The following LRRK1 variants were observed in gnomAD, a reference collection of about 807,000 sequenced individuals.
LRRK1 encodes leucine rich repeat kinase 1, also known as leucine-rich repeat serine/threonine-protein kinase 1.
Under a neutral mutation model 209.1 loss-of-function variants are expected in LRRK1, and 113 were observed. The ratio of observed to expected loss-of-function variants is 0.54; its 90% confidence interval spans 0.46 to 0.63. LRRK1 has a LOEUF of 0.63. Ranked by LOEUF, LRRK1 falls within the 30% of genes least tolerant of loss-of-function variation. The pLI, the probability that LRRK1 is intolerant of heterozygous loss-of-function variation, is 0.00. For synonymous variants in LRRK1, 1,144 were observed against 1,099.7 expected, an observed-to-expected ratio of 1.04 and a Z score of -0.80; for missense variants, 2,284 against 2,632.2, an observed-to-expected ratio of 0.87 and a Z score of 2.89.
intron 2 of LRRK1, among the ~76,000 whole-genome samples, chr15:100,926,376 G>A (rs1441762147): frequency 1.3e-5 from 2 of 152,130 alleles, no homozygotes; most frequent in Non-Finnish European, 2.9e-5. Context: ...AGCCCTGAGG[G>A]ACGAGGGTGG....
At chr15:101,052,042 G>A in intron 24 of LRRK1, 82 bp downstream of exon 24, 1 of 1,522,706 alleles carries the variant, frequency 6.6e-7, no homozygotes, top group Non-Finnish European at 8.9e-7. Context: ...GTGATCTCCA[G>A]GAAGACCCCT....
rs1205960106 is a variant in LRRK1 at position 101,040,517 on chromosome 15, A to G, written c.2964-5464A>G. On this transcript the variant is annotated intron_variant, in intron 20 of 33. Coordinates refer to ENST00000388948, the MANE Select transcript of LRRK1 (RefSeq NM_024652.6). ...TTCTATTATTTTTCTCTTTTATTTC[A>G]TCTATTACTGCTCTTTATTATTGTC... Among the ~76,000 whole-genome samples the G allele has an allele frequency of 3.9e-5, 6 of 151,970 alleles. No homozygotes were observed. In the East Asian group the frequency reaches 9.7e-4, roughly 24 times the overall value.
intron 2 of LRRK1, among the ~76,000 whole-genome samples, chr15:100,962,582 G>A (rs1011465444): frequency 1.2e-4 from 18 of 151,086 alleles, no homozygotes; most frequent in African/African-American, 4.4e-4. Context: ...TCTGCTGAAG[G>A]GGACGGCTAC....
chr15:100,972,846 G>A (rs936874559), intron 2 of LRRK1, among the ~76,000 whole-genome samples: 1 of 152,078 alleles, frequency 6.6e-6, no homozygotes, highest in Non-Finnish European at 1.5e-5. Flanking sequence ...TGGAGAGAAA[G>A]CTTTTTACTG....
At position 100,998,295 on chromosome 15, in the gene LRRK1, CCTCAGCA is replaced by C. The variant is rs377393465; in HGVS notation, c.762+8913_762+8919del. On this transcript the variant is annotated intron_variant, in intron 6 of 33. Coordinates refer to ENST00000388948, the MANE Select transcript of LRRK1 (RefSeq NM_024652.6). Reference sequence around the variant, plus strand: ...TAGCCAGGAAAAAGCGAGCCTGCCTCCTCAGCACTCAGCACTCAGCACACTGCTCCTC... The same window carrying C: ...TAGCCAGGAAAAAGCGAGCCTGCCTCCTCAGCACTCAGCACACTGCTCCTC... Among the ~76,000 whole-genome samples the C allele has an allele frequency of 2.4e-3, 359 of 152,224 alleles. 2 individuals are homozygous for C. Among genetic ancestry groups the C allele is most frequent in the African/African-American group, 8.1e-3 (337 of 41,530 alleles).
chr15:101,065,818 C>T lies in LRRK1; in HGVS notation c.5381C>T (p.Thr1794Met), dbSNP rs772559934. The T allele has an allele frequency of 3.8e-5, 61 of 1,613,896 alleles. No individual in the cohort carries two copies. In the Admixed American group the frequency reaches 8.2e-4, roughly 22 times the overall value. Reference protein sequence around the residue: ...RDMFPVRPLDTEPPAASHTAN... With the variant: ...RDMFPVRPLDMEPPAASHTAN... ...ATGTTTCCCGTGCGGCCCTTGGACA[C>T]GGAACCCCCGGCAGCCAGCCACACG... The change falls in exon 32 of 34, where the codon ACG becomes ATG. Residue 1794 changes from threonine to methionine, a missense_variant. Thr to Met is a moderately conservative substitution (Grantham distance 81). This residue lies in a region of LRRK1 where 643 missense variants were observed against 695.9 expected (regional missense o/e 0.92). Transcript: ENST00000388948.
At chr15:100,974,223 A>G (rs2031158993) in intron 3 of LRRK1, 1 of 366,800 alleles carries the variant, frequency 2.7e-6, no homozygotes, top group Non-Finnish European at 4.8e-6. Flanking sequence ...ACTTAAATGT[A>G]AAGAACAAAA....
rs1474182122 is a variant in LRRK1 at position 100,962,812 on chromosome 15, T to TATATATACACATATACATATAC, written c.98-10985_98-10984insCACATATACATATACATATATA. ...CATTTTGCATATATATATATATATA[T>TATATATACACATATACATATAC]ATATATATATATTTTTTTTTTTTTT... On this transcript the variant is annotated intron_variant, in intron 2 of 33. Coordinates refer to ENST00000388948, the MANE Select transcript of LRRK1 (RefSeq NM_024652.6). Among the ~76,000 whole-genome samples the TATATATACACATATACATATAC allele has an allele frequency of 6.3e-5, 2 of 31,646 alleles. 1 individual carries two copies. The highest frequency in any genetic ancestry group is 0.031 in the Middle Eastern group (2 of 64). The allele number at this position is 31,646 out of a possible 152,430, so 20.8% of individuals were successfully genotyped here.
Position 101,027,618 on chromosome 15 carries a change from C to G in LRRK1, c.2527-20C>G, listed in dbSNP as rs755011610. 2.5e-6 allele frequency: 4 copies of G among 1,606,974 alleles called. No individual in the cohort carries two copies. The South Asian group carries it at 4.5e-5, about 18-fold the overall frequency. Reference sequence around the variant, plus strand: ...TGCCTTGGGACCTGAGAGACCCTGCCTCGCCCAACTGTCCCCCAGATCCCC... The same window carrying G: ...TGCCTTGGGACCTGAGAGACCCTGCGTCGCCCAACTGTCCCCCAGATCCCC... On this transcript the variant is annotated intron_variant, in intron 18 of 33. Transcript: ENST00000388948. This position sits in a 1 kb window ranked among gnomAD's most constrained non-coding sequence, Gnocchi z 5.1.
chr15:100,937,163 C>T (rs550207819), intron 2 of LRRK1, among the ~76,000 whole-genome samples: 6 of 152,204 alleles, frequency 3.9e-5, no homozygotes, highest in South Asian at 2.1e-4. Context: ...TCTAGATTTT[C>T]GAATATTTTA....
intron 20 of LRRK1, 70 bp downstream of exon 20, chr15:101,029,302 C>T: frequency 6.9e-7 from 1 of 1,443,664 alleles, no homozygotes; most frequent in African/African-American, 1.4e-5. Flanking sequence ...GGTCTGGAGC[C>T]ACTGGTGGCC....
intron 6 of LRRK1, among the ~76,000 whole-genome samples, chr15:101,003,031 C>T (rs1333840901): frequency 1.3e-5 from 2 of 152,226 alleles, no homozygotes; most frequent in Non-Finnish European, 2.9e-5. Flanking sequence ...TGCGCCCAGC[C>T]CTGGACAACT....
At chr15:101,021,218 C>G in intron 13 of LRRK1, 36 bp downstream of exon 13, 1 of 1,611,170 alleles carries the variant, frequency 6.2e-7, no homozygotes. Context: ...GCTGGCTCTG[C>G]TGGCCCAGAG....
intron 6 of LRRK1, among the ~76,000 whole-genome samples, chr15:100,998,422 C>T (rs1015828673): frequency 2.6e-5 from 4 of 152,198 alleles, no homozygotes; most frequent in Admixed American, 6.6e-5. Flanking sequence ...CCCCAACCTT[C>T]TATGTCTCAG....
chr15:101,015,024 T>C (rs1327537505), intron 11 of LRRK1, among the ~76,000 whole-genome samples: 2 of 152,178 alleles, frequency 1.3e-5, no homozygotes, highest in Non-Finnish European at 2.9e-5. Context: ...CCCCAAAGCC[T>C]TCCAATAGGT....
At chr15:100,957,447 A>C (rs924253609) in intron 2 of LRRK1, among the ~76,000 whole-genome samples, 5 of 152,160 alleles carry the variant, frequency 3.3e-5, no homozygotes, top group Admixed American at 2.6e-4. Context: ...AGTTCTGTTA[A>C]TATTTGCTTT....
rs111421161 is a variant in LRRK1, at chr15:100,961,250, C to T, written c.98-12554C>T. Among the ~76,000 whole-genome samples the T allele has an allele frequency of 7.4e-3, 1,123 of 152,278 alleles. 17 individuals carry two copies. Among genetic ancestry groups the T allele is most frequent in the African/African-American group, 0.025 (1,033 of 41,544 alleles). ...AGCCACCAGTCTTATTACAGGGTCC[C>T]CACCATAGTGACCTTATCCAATCTT... On this transcript the variant is annotated intron_variant, in intron 2 of 33. Transcript: ENST00000388948.
At chr15:100,937,331 C>T (rs1415112480) in intron 2 of LRRK1, among the ~76,000 whole-genome samples, 2 of 152,038 alleles carry the variant, frequency 1.3e-5, no homozygotes, top group Non-Finnish European at 2.9e-5. Context: ...AAACTTACTA[C>T]CAATTGCCGT....
chr15:100,970,944 C>A lies in LRRK1; in HGVS notation c.98-2860C>A, dbSNP rs559442240. On this transcript the variant is annotated intron_variant, in intron 2 of 33. Transcript: ENST00000388948. ...GAATGTAATTTTATACTATCATAAA[C>A]TATTTTTTCAATTTTTCAATGTTAA... Among the ~76,000 whole-genome samples, 4 of 152,260 alleles carry A rather than the reference C, an allele frequency of 2.6e-5. No individual in the cohort carries two copies. In the East Asian group the frequency reaches 5.8e-4, roughly 22 times the overall value.
Sources: allele counts gnomAD v4.1 joint callset (sites outside exome capture counted in the v4.1 genomes callset), GRCh38; gene constraint gnomAD v4.1.1; regional missense constraint gnomAD v4.1.1; non-coding constraint Gnocchi (gnomAD v3.1); transcripts MANE v1.5; gene names NCBI Gene and HGNC (gene_info 2026-07-23, HGNC 2026-07-21).